APLP2: variants seen among roughly 807,000 people sequenced by gnomAD.
APLP2 encodes the protein amyloid beta precursor like protein 2, also known as CDEI box-binding protein.
A neutral mutation model predicts 89.9 loss-of-function variants in APLP2; 53 were observed. The observed-to-expected ratio is 0.59, with a 90% CI of 0.47 to 0.74. APLP2 has a LOEUF of 0.74. Ranked by LOEUF, APLP2 falls within the 30% of genes least tolerant of loss-of-function variation. The pLI, the probability that APLP2 is intolerant of heterozygous loss-of-function variation, is 0.00. For missense variants in APLP2, 973 were observed against 975.9 expected, an observed-to-expected ratio of 1.00 and a Z score of 0.04; for synonymous variants, 372 against 348.6, an observed-to-expected ratio of 1.07 and a Z score of -0.75.
chr11:130,131,288 G>A (rs865921812), intron 11 of APLP2, among the ~76,000 whole-genome samples: 3 of 152,156 alleles, frequency 2.0e-5, no homozygotes, highest in Admixed American at 6.5e-5. Flanking sequence ...CAGTAGAGAC[G>A]GGGTTTCACC....
intron 2 of APLP2, 92 bp from the exon 3 acceptor site, chr11:130,110,446 A>G (rs1285447052): frequency 1.1e-5 from 17 of 1,481,564 alleles, no homozygotes; most frequent in African/African-American, 1.4e-5. Context: ...ATAAGGGTGG[A>G]GGCTGAATAA....
intron 5 of APLP2, 29 bp from the exon 6 acceptor site, chr11:130,122,276 C>T: frequency 1.9e-6 from 3 of 1,612,568 alleles, no homozygotes; most frequent in South Asian, 2.2e-5. Context: ...GAGCTATTAA[C>T]CTTCCTTTTT....
At chr11:130,128,055 G>T (rs1950569217) in intron 9 of APLP2, among the ~76,000 whole-genome samples, 1 of 152,208 alleles carries the variant, frequency 6.6e-6, no homozygotes, top group East Asian at 1.9e-4. Context: ...CCTAATTCAT[G>T]CCAGAAGGTA....
intron 7 of APLP2, among the ~76,000 whole-genome samples, chr11:130,125,991 C>T (rs1950329647): frequency 6.6e-6 from 1 of 152,150 alleles, no homozygotes; most frequent in Non-Finnish European, 1.5e-5. Flanking sequence ...GCTTGGGAAG[C>T]CCTATTGGTC....
chr11:130,110,811 C>G lies in APLP2; in HGVS notation c.403+150C>G, dbSNP rs1591809560. ...GGAGGATTTCTCTTAGGGGTGTTTG[C>G]TGGCTTCGAGTGTCAGTGGTTGACC... On this transcript the variant is annotated intron_variant, in intron 3 of 16. Transcript: ENST00000338167. The G allele has an allele frequency of 4.7e-6, 5 of 1,068,420 alleles. No homozygotes were observed. The South Asian group carries it at 6.8e-5, about 14-fold the overall frequency. The allele number at this position is 1,068,420 out of a possible 1,614,324, so 66.2% of individuals were successfully genotyped here.
In APLP2 at chr11:130,133,619, C is replaced by A. The variant is rs747279752; in HGVS notation, c.1585-10C>A. 30 of 1,609,036 alleles carry A rather than the reference C, an allele frequency of 1.9e-5. No homozygotes were observed. The Admixed American group carries it at 5.0e-4, about 27-fold the overall frequency. ...GTCACAACACCTCTCCACCATAACT[C>A]TGCTTCCAGGTGATGACACATCTCC... is the stretch of plus-strand genomic sequence containing the variant. On this transcript the variant is annotated splice_polypyrimidine_tract_variant and intron_variant, in intron 11 of 16. Coordinates refer to ENST00000338167, the MANE Select transcript of APLP2 (RefSeq NM_001142276.2).
At chr11:130,113,226 A>G (rs1259780041) in intron 3 of APLP2, among the ~76,000 whole-genome samples, 1 of 152,232 alleles carries the variant, frequency 6.6e-6, no homozygotes, top group Admixed American at 6.5e-5. Flanking sequence ...GATAATTACA[A>G]CACAAAAATA....
Position 130,075,309 on chromosome 11 carries a change from C to T in APLP2, c.105+5227C>T, listed in dbSNP as rs140985651. ...GGAGTACAGTGCATACCACCACATT[C>T]GGCCAAGATCTGTTTTTCAAAATGA... On this transcript the variant is annotated intron_variant, in intron 1 of 16. Coordinates refer to ENST00000338167, the MANE Select transcript of APLP2 (RefSeq NM_001142276.2). Among the ~76,000 whole-genome samples, 300 of 152,242 alleles carry T rather than the reference C, an allele frequency of 2.0e-3. 1 individual carries two copies. The highest frequency in any genetic ancestry group is 6.0e-3 in the African/African-American group (250 of 41,552).
Position 130,142,146 on chromosome 11 carries a change from A to C in APLP2, c.2154+72A>C, listed in dbSNP as rs181074784. On this transcript the variant is annotated intron_variant, in intron 16 of 16. Transcript: ENST00000338167. ...TTGGGGGTGGGAACCTGTGGAATTA[A>C]TAGGCATCTTCACTCCTCGAGTACT... 54 of 1,466,582 alleles carry C rather than the reference A, an allele frequency of 3.7e-5. No individual in the cohort carries two copies. In the Admixed American group the frequency reaches 1.1e-3, roughly 30 times the overall value. The allele number at this position is 1,466,582 out of a possible 1,614,324, so 90.8% of individuals were successfully genotyped here. A position where few individuals can be genotyped will look rare whatever the true frequency, so the allele number is the denominator to read the frequency against.
At chr11:130,135,439 C>A in intron 12 of APLP2, 124 bp from the exon 13 acceptor site, 1 of 1,160,402 alleles carries the variant, frequency 8.6e-7, no homozygotes, top group Non-Finnish European at 1.2e-6. Flanking sequence ...GCCACAGAAT[C>A]AAGGAAGGTG....
intron 1 of APLP2, among the ~76,000 whole-genome samples, chr11:130,107,123 A>G (rs1283747694): frequency 1.3e-5 from 2 of 151,984 alleles, no homozygotes; most frequent in African/African-American, 4.8e-5. Flanking sequence ...TTTTTTGCCC[A>G]CTCTTATATC....
At position 130,130,054 on chromosome 11, in the gene APLP2, A is replaced by G; in HGVS notation, c.1472A>G (p.Gln491Arg). The change falls in exon 11 of 17, where the codon CAG (glutamine) becomes CGG (arginine). Residue 491 changes from glutamine to arginine, a missense_variant. Coordinates refer to ENST00000338167, the MANE Select transcript of APLP2 (RefSeq NM_001142276.2). ...SDPPRPHRIL[Q>R]ALRRYVRAEN... ...CTCTTGCAGCCTCATCGCATTCTCC[A>G]GGCCTTACGGCGTTATGTCCGTGCT... 1 of 1,614,210 alleles carries G rather than the reference A, an allele frequency of 6.2e-7. No homozygotes were observed. The highest frequency in any genetic ancestry group is 1.1e-5 in the South Asian group (1 of 91,084).
intron 1 of APLP2, among the ~76,000 whole-genome samples, chr11:130,092,722 A>AGGGGGGGGGGGAGG (rs796802846): frequency 1.0e-5 from 1 of 99,012 alleles, no homozygotes; most frequent in Non-Finnish European, 2.0e-5. Flanking sequence ...GGGGAGGGGG[A>AGGGGGGGGGGGAGG]GGGAGAGGGA....
At chr11:130,078,045 C>G (rs1177357545) in intron 1 of APLP2, among the ~76,000 whole-genome samples, 2 of 152,186 alleles carry the variant, frequency 1.3e-5, no homozygotes, top group Non-Finnish European at 2.9e-5. Flanking sequence ...GCCAGTATCT[C>G]CTTTCCTTCC....
intron 3 of APLP2, among the ~76,000 whole-genome samples, chr11:130,119,457 C>T (rs191567066): frequency 2.0e-5 from 3 of 152,258 alleles, no homozygotes; most frequent in South Asian, 2.1e-4. Context: ...ACGATGATAC[C>T]GTTCACCCTC....
chr11:130,113,567 G>A (rs603163), intron 3 of APLP2, among the ~76,000 whole-genome samples: 1,624 of 152,280 alleles, frequency 0.011, 13 homozygotes, highest in Middle Eastern at 0.02. Context: ...GGGGTGACAT[G>A]ACTGGAGTTT....
rs569946699 is a variant in APLP2, at chr11:130,135,203, A to T, written c.1685-360A>T. ...GTAGATTTGAGGTATTCTTATTTTT[A>T]AAAAAAAGTAATTCTGGAAGGTGAT... is the stretch of plus-strand genomic sequence containing the variant. On this transcript the variant is annotated intron_variant, in intron 12 of 16. Coordinates refer to ENST00000338167, the MANE Select transcript of APLP2 (RefSeq NM_001142276.2). 1.8e-3 allele frequency among the ~76,000 whole-genome samples: 281 copies of T among 151,982 alleles called. 1 individual carries two copies. The South Asian group carries it at 0.02, about 11-fold the overall frequency.
intron 1 of APLP2, among the ~76,000 whole-genome samples, chr11:130,080,495 G>A (rs1197361879): frequency 1.3e-5 from 2 of 151,580 alleles, no homozygotes; most frequent in Non-Finnish European, 2.9e-5. Flanking sequence ...ATGAGCCACC[G>A]TGCCCGGCCA....
In APLP2 at chr11:130,083,781, A is replaced by C. The variant is rs139778043; in HGVS notation, c.105+13699A>C. ...TCTTGGCTATTGTCAGTAATTCTGC[A>C]GTGAACATGGGAATGCATATATCTG... On this transcript the variant is annotated intron_variant, in intron 1 of 16. Transcript: ENST00000338167. 7.5e-3 allele frequency among the ~76,000 whole-genome samples: 1,140 copies of C among 152,342 alleles called. 12 individuals are homozygous for C. The highest frequency in any genetic ancestry group is 0.027 in the African/African-American group (1,103 of 41,574).
Sources: allele counts gnomAD v4.1 joint callset (sites outside exome capture counted in the v4.1 genomes callset), GRCh38; gene constraint gnomAD v4.1.1; transcripts MANE v1.5; gene names NCBI Gene and HGNC (gene_info 2026-07-23, HGNC 2026-07-21).